The following LRRC4C variants were observed in gnomAD, a reference collection of about 807,000 sequenced individuals.
The protein encoded by LRRC4C is leucine rich repeat containing 4C.
In LRRC4C, 5 loss-of-function variants were observed where a neutral mutation model predicts 33.6. That is an observed-to-expected ratio of 0.15 (90% CI 0.08 to 0.31). LRRC4C has a LOEUF of 0.31. Ranked by LOEUF, LRRC4C falls within the 10% of genes least tolerant of loss-of-function variation. The pLI is 1.00. For synonymous variants in LRRC4C, 329 were observed against 302.0 expected (o/e 1.09, Z -0.93); for missense variants, 560 against 796.7 (o/e 0.70, Z 3.58).
At chr11:40,580,160 C>T (rs1475265126) in intron 3 of LRRC4C, among the ~76,000 whole-genome samples, 2 of 151,704 alleles carry the variant, frequency 1.3e-5, no homozygotes, top group Non-Finnish European at 2.9e-5. Context: ...TAAAGAAATT[C>T]CCCGAAACTG....
At chr11:40,542,630 A>T (rs1956768182) in intron 3 of LRRC4C, among the ~76,000 whole-genome samples, 1 of 148,376 alleles carries the variant, frequency 6.7e-6, no homozygotes, top group South Asian at 2.1e-4. Flanking sequence ...TTCACAGGGG[A>T]AGTTCTTTCT....
intron 1 of LRRC4C, among the ~76,000 whole-genome samples, chr11:41,121,000 T>C (rs1942396634): frequency 6.6e-6 from 1 of 152,190 alleles, no homozygotes; most frequent in Non-Finnish European, 1.5e-5. Context: ...ACTCTTCCTG[T>C]TAAGCCTGTG....
intron 4 of LRRC4C, among the ~76,000 whole-genome samples, chr11:40,257,774 G>A (rs930841675): frequency 6.6e-6 from 1 of 152,140 alleles, no homozygotes; most frequent in African/African-American, 2.4e-5. Flanking sequence ...GCAATTGCCT[G>A]AACACTAAGG....
rs535147948 is a variant in LRRC4C, at chr11:40,387,334, T to A, written c.-269-67613A>T. Among the ~76,000 whole-genome samples the A allele has an allele frequency of 2.0e-5, 3 of 152,232 alleles. No individual in the cohort carries two copies. In the South Asian group the frequency reaches 6.2e-4, roughly 32 times the overall value. ...TTGATAGGTTACTCATTAAAAGAAGTAAATAATTTGATTCAGATACCCACA... is the reference window on the plus strand; with the variant it reads ...TTGATAGGTTACTCATTAAAAGAAGAAAATAATTTGATTCAGATACCCACA... On this transcript the variant is annotated intron_variant, in intron 3 of 6. Transcript: ENST00000528697.
At chr11:40,610,164 T>A (rs1368793605) in intron 3 of LRRC4C, among the ~76,000 whole-genome samples, 1 of 151,894 alleles carries the variant, frequency 6.6e-6, no homozygotes, top group East Asian at 1.9e-4. Context: ...CAATAGCATA[T>A]TAAAATGATC....
At chr11:40,719,899 TTTC>T in intron 2 of LRRC4C, among the ~76,000 whole-genome samples, 1 of 152,002 alleles carries the variant, frequency 6.6e-6, no homozygotes, top group South Asian at 2.1e-4. Flanking sequence ...TGAATCAAAA[TTTC>T]TTTCTGAAAA....
chr11:40,965,451 T>C (rs1326592056), intron 1 of LRRC4C, among the ~76,000 whole-genome samples: 3 of 152,192 alleles, frequency 2.0e-5, no homozygotes, highest in East Asian at 1.9e-4. Flanking sequence ...TCCATGCCTA[T>C]GTCCTGAATG....
chr11:41,392,451 C>A (rs1953636642), intron 1 of LRRC4C, among the ~76,000 whole-genome samples: 1 of 151,526 alleles, frequency 6.6e-6, no homozygotes, highest in Admixed American at 6.6e-5. Context: ...GGGAGAGAAG[C>A]CAAACAGTTA....
At chr11:40,870,886 A>G (rs1232008330) in intron 2 of LRRC4C, among the ~76,000 whole-genome samples, 1 of 152,290 alleles carries the variant, frequency 6.6e-6, no homozygotes, top group East Asian at 1.9e-4. Context: ...CCGGTGAGCC[A>G]TATTTCTCTT....
At chr11:41,163,284 G>GTTTTGTTTTTTTTTTTTT (rs1944556600) in intron 1 of LRRC4C, among the ~76,000 whole-genome samples, 1 of 73,382 alleles carries the variant, frequency 1.4e-5, no homozygotes, top group Non-Finnish European at 2.4e-5. Context: ...TACTGTAACT[G>GTTTTGTTTTTTTTTTTTT]TTTTTTTTTT....
At position 41,038,335 on chromosome 11, in the gene LRRC4C, C is replaced by T. The variant is rs150609502; in HGVS notation, c.-495-104612G>A. 4.5e-3 allele frequency among the ~76,000 whole-genome samples: 692 copies of T among 152,322 alleles called. 2 individuals carry two copies. The highest frequency in any genetic ancestry group is 0.016 in the African/African-American group (663 of 41,564). On this transcript the variant is annotated intron_variant, in intron 1 of 6. Coordinates refer to ENST00000528697, the MANE Select transcript of LRRC4C (RefSeq NM_001258419.2). ...AGGGGGATCAGATCCCAAAGGTTTT[C>T]AGTGATCTTCTCTTTATTTTTGTAT...
intron 2 of LRRC4C, among the ~76,000 whole-genome samples, chr11:40,868,810 T>C (rs1591944534): frequency 6.6e-6 from 1 of 152,206 alleles, no homozygotes. Flanking sequence ...ATATTAACAA[T>C]GATATTTAAG....
chr11:40,179,189 G>C (rs911600487), intron 5 of LRRC4C, among the ~76,000 whole-genome samples: 1 of 151,736 alleles, frequency 6.6e-6, no homozygotes, highest in African/African-American at 2.4e-5. Context: ...AACTATTCTA[G>C]AGACAGGGTC....
rs930861840 is a variant in LRRC4C at position 41,384,708 on chromosome 11, G to A, written c.-496+74723C>T. On this transcript the variant is annotated intron_variant, in intron 1 of 6. Coordinates refer to ENST00000528697, the MANE Select transcript of LRRC4C (RefSeq NM_001258419.2). ...TGTTTGTTGAGTAACTTCACTGTCGGTTGATTCAAAAGCCCCTAGCCTTTT... is the reference window on the plus strand; with the variant it reads ...TGTTTGTTGAGTAACTTCACTGTCGATTGATTCAAAAGCCCCTAGCCTTTT... Among the ~76,000 whole-genome samples, 4 of 151,002 alleles carry A rather than the reference G, an allele frequency of 2.6e-5. No homozygotes were observed. In the East Asian group the frequency reaches 8.0e-4, roughly 30 times the overall value.
intron 2 of LRRC4C, among the ~76,000 whole-genome samples, chr11:40,751,773 C>G (rs192507431): frequency 1.2e-4 from 18 of 152,016 alleles, no homozygotes; most frequent in Admixed American, 9.2e-4. Context: ...ATGCATGGAA[C>G]CAAAAAGGAG....
chr11:40,895,264 G>T (rs1955888698), intron 2 of LRRC4C, among the ~76,000 whole-genome samples: 1 of 151,914 alleles, frequency 6.6e-6, no homozygotes, highest in East Asian at 1.9e-4. Flanking sequence ...ATTTCTAAAG[G>T]ATTCCAGAAT....
At chr11:41,289,081 G>A (rs1006774298) in intron 1 of LRRC4C, among the ~76,000 whole-genome samples, 2 of 152,040 alleles carry the variant, frequency 1.3e-5, no homozygotes, top group African/African-American at 4.8e-5. Context: ...AAATCCCATC[G>A]CAGCCAAAGT....
chr11:40,315,403 T>G (rs866764452), intron 4 of LRRC4C, among the ~76,000 whole-genome samples: 1 of 151,894 alleles, frequency 6.6e-6, no homozygotes, highest in Non-Finnish European at 1.5e-5. Flanking sequence ...CAAGGAAATA[T>G]TACCCTCATA....
chr11:41,297,323 C>T (rs1428115454), intron 1 of LRRC4C, among the ~76,000 whole-genome samples: 1 of 152,098 alleles, frequency 6.6e-6, no homozygotes, highest in Non-Finnish European at 1.5e-5. Context: ...CAATATTCAT[C>T]AGAGAAATTG....
Sources: allele counts gnomAD v4.1 joint callset (sites outside exome capture counted in the v4.1 genomes callset), GRCh38; gene constraint gnomAD v4.1.1; transcripts MANE v1.5; gene names NCBI Gene and HGNC (gene_info 2026-07-23, HGNC 2026-07-21).